The following EPB41L4A variants were observed in gnomAD, a reference collection of about 807,000 sequenced individuals.
EPB41L4A encodes the protein erythrocyte membrane protein band 4.1 like 4A, also known as band 4.1-like protein 4A.
EPB41L4A carries 100 observed loss-of-function variants against 108.6 expected under a neutral mutation model. The observed-to-expected ratio is 0.92, with a 90% CI of 0.78 to 1.09. The LOEUF (loss-of-function observed/expected upper bound fraction) is 1.09. Ranked by LOEUF, EPB41L4A falls within the 50% of genes least tolerant of loss-of-function variation. The probability of loss-of-function intolerance (pLI) is 0.00; values close to 1 mark genes in which losing one functional copy is unlikely to be tolerated. For missense variants in EPB41L4A, 1,030 were observed against 842.7 expected, an observed-to-expected ratio of 1.22 and a Z score of -2.75; for synonymous variants, 319 against 289.0, an observed-to-expected ratio of 1.10 and a Z score of -1.05.
chr5:112,276,680 A>C (rs1752648552), intron 3 of EPB41L4A, among the ~76,000 whole-genome samples: 1 of 152,254 alleles, frequency 6.6e-6, no homozygotes, highest in Admixed American at 6.5e-5. Flanking sequence ...TCTTAACTGA[A>C]TAAATAAAGT....
chr5:112,411,968 C>T (rs373299900), intron 1 of EPB41L4A, among the ~76,000 whole-genome samples: 1 of 152,208 alleles, frequency 6.6e-6, no homozygotes, highest in South Asian at 2.1e-4. Flanking sequence ...TCACGGCCCC[C>T]ACTGTTCTCT....
chr5:112,264,182 G>C (rs147337085), intron 6 of EPB41L4A: 1 of 152,218 alleles, frequency 6.6e-6, no homozygotes, highest in East Asian at 1.9e-4. Context: ...ACATAACAGG[G>C]AATAAAGCAA....
intron 16 of EPB41L4A, among the ~76,000 whole-genome samples, 154 bp downstream of exon 16, chr5:112,195,507 A>T (rs1451270137): frequency 6.6e-6 from 1 of 152,130 alleles, no homozygotes; most frequent in Non-Finnish European, 1.5e-5. Context: ...GATGCAACAG[A>T]ATGGAAGACT....
At chr5:112,265,519 A>G (rs1016288735) in intron 5 of EPB41L4A, among the ~76,000 whole-genome samples, 4 of 152,240 alleles carry the variant, frequency 2.6e-5, no homozygotes, top group African/African-American at 9.6e-5. Flanking sequence ...AAAGCCCACT[A>G]TATTACTCCT....
intron 18 of EPB41L4A, among the ~76,000 whole-genome samples, chr5:112,172,511 C>CAAAA (rs144426305): frequency 1.1e-3 from 112 of 99,560 alleles, no homozygotes; most frequent in African/African-American, 3.2e-3. Context: ...GACCCTGTGC[C>CAAAA]AAAAAAAAAA....
intron 12 of EPB41L4A, among the ~76,000 whole-genome samples, chr5:112,230,814 GA>G (rs1159994373): frequency 6.6e-6 from 1 of 152,162 alleles, no homozygotes; most frequent in Non-Finnish European, 1.5e-5. Context: ...CCAATGTCTA[GA>G]AGAGTTTTAC....
At chr5:112,161,573 C>T (rs1561436803), downstream of EPB41L4A, 1 of 519,218 alleles carries the variant, frequency 1.9e-6, no homozygotes, top group Non-Finnish European at 3.8e-6. Context: ...TTTTCCTGCC[C>T]TTAAATTTGA....
chr5:112,266,488 C>T (rs72781636), intron 4 of EPB41L4A, among the ~76,000 whole-genome samples, 158 bp from the exon 5 acceptor site: 5,844 of 152,252 alleles, frequency 0.038, 164 homozygotes, highest in Non-Finnish European at 0.059. Context: ...ACAGGAACTA[C>T]TTAAACATAC....
chr5:112,350,712 A>G (rs1757981974), intron 1 of EPB41L4A, among the ~76,000 whole-genome samples: 1 of 152,122 alleles, frequency 6.6e-6, no homozygotes, highest in Non-Finnish European at 1.5e-5. Flanking sequence ...TAGCTCCCAC[A>G]TGAGTCAGAA....
At chr5:112,377,715 C>T (rs1458362589) in intron 1 of EPB41L4A, among the ~76,000 whole-genome samples, 1 of 152,168 alleles carries the variant, frequency 6.6e-6, no homozygotes, top group Non-Finnish European at 1.5e-5. Context: ...TTCTCTGCTG[C>T]TACTCTCTTT....
chr5:112,167,390 G>A (rs1760314984), intron 22 of EPB41L4A, among the ~76,000 whole-genome samples: 1 of 152,196 alleles, frequency 6.6e-6, no homozygotes, highest in Non-Finnish European at 1.5e-5. Flanking sequence ...CTCCCAGGCT[G>A]ATCTCATCAA....
intron 1 of EPB41L4A, among the ~76,000 whole-genome samples, chr5:112,347,503 G>A (rs1029722369): frequency 3.3e-5 from 5 of 152,088 alleles, no homozygotes; most frequent in Admixed American, 6.5e-5. Flanking sequence ...TATACTATGG[G>A]CATGACTTTC....
chr5:112,259,955 A>G lies in EPB41L4A; in HGVS notation c.667T>C (p.Leu223=), dbSNP rs748004384. The G allele has an allele frequency of 2.1e-5, 34 of 1,613,936 alleles. No homozygotes were observed. The highest frequency in any genetic ancestry group is 2.9e-5 in the Non-Finnish European group (34 of 1,179,894). The change falls in exon 8 of 23, where the codon TTA becomes CTA. Residue 223 remains leucine, a synonymous_variant. Transcript: ENST00000261486. ...ACAACACCAACCGGAGTTAATCCTA[A>G]GAAATACTCAGACTTGTTTTCTCCC... ...VYGENKSEYF[L]GLTPVGVVVY...
At chr5:112,285,103 G>T (rs894581282) in intron 2 of EPB41L4A, among the ~76,000 whole-genome samples, 1 of 152,016 alleles carries the variant, frequency 6.6e-6, no homozygotes, top group East Asian at 1.9e-4. Context: ...AAAAAGAAAG[G>T]ACACCATGAA....
At chr5:112,176,743 CTTTTTTTTTTTTTTT>C (rs59150913) in intron 18 of EPB41L4A, among the ~76,000 whole-genome samples, 1 of 65,848 alleles carries the variant, frequency 1.5e-5, no homozygotes, top group Non-Finnish European at 2.7e-5. Context: ...ACCAGAGCAA[CTTTTTTTTTTTTTTT>C]TTTTTTTTTT....
At chr5:112,275,527 G>A in intron 3 of EPB41L4A, 123 bp from the exon 4 acceptor site, 1 of 1,192,942 alleles carries the variant, frequency 8.4e-7, no homozygotes, top group Non-Finnish European at 1.1e-6. Context: ...GAAAACATAA[G>A]ATAAAAACAG....
intron 9 of EPB41L4A, among the ~76,000 whole-genome samples, chr5:112,252,024 T>A (rs963816913): frequency 4.6e-5 from 7 of 151,308 alleles, no homozygotes; most frequent in Non-Finnish European, 8.8e-5. Context: ...CTATGTGATA[T>A]GTGTTACAGA....
At chr5:112,410,032 G>A (rs180965781) in intron 1 of EPB41L4A, among the ~76,000 whole-genome samples, 314 of 152,292 alleles carry the variant, frequency 2.1e-3, no homozygotes, top group Non-Finnish European at 3.6e-3. Context: ...AGGGTCAGAA[G>A]AGGGCCTCTC....
intron 12 of EPB41L4A, among the ~76,000 whole-genome samples, chr5:112,215,391 AAAT>A (rs1007182543): frequency 5.3e-5 from 8 of 152,348 alleles, no homozygotes; most frequent in African/African-American, 7.2e-5. Context: ...CTTCAAGTAA[AAAT>A]AATAATAACT....
Sources: gnomAD v4.1 joint callset for allele counts (sites outside exome capture counted in the v4.1 genomes callset) on GRCh38, gnomAD v4.1.1 for gene constraint, MANE v1.5 for transcripts, NCBI Gene and HGNC (gene_info 2026-07-23, HGNC 2026-07-21) for gene names.